SQSTM1: variants seen among roughly 807,000 people sequenced by gnomAD.
SQSTM1 encodes sequestosome-1.
A neutral mutation model predicts 45.1 loss-of-function variants in SQSTM1; 36 were observed. The ratio of observed to expected loss-of-function variants is 0.80; its 90% CI spans 0.61 to 1.05. SQSTM1 has a LOEUF of 1.05. Ranked by LOEUF, SQSTM1 falls within the 50% of genes least tolerant of loss-of-function variation. The pLI is 0.00. For missense variants in SQSTM1, 617 were observed against 607.1 expected, an observed-to-expected ratio of 1.02 and a Z score of -0.17; for synonymous variants, 290 against 244.3, an observed-to-expected ratio of 1.19 and a Z score of -1.74.
At chr5:179,808,362 G>A (rs2113453436) in intron 1 of SQSTM1, 1 of 152,346 alleles carries the variant, frequency 6.6e-6, no homozygotes, top group East Asian at 1.9e-4. Context: ...AGTGCTCCTG[G>A]AACTTTCCGA....
Position 179,806,610 on chromosome 5 carries a change from CG to C in SQSTM1, c.-157+23del. 8.4e-7 allele frequency: 1 copy of C among 1,194,858 alleles called. No homozygotes were observed. Among genetic ancestry groups the C allele is most frequent in the Non-Finnish European group, 1.1e-6 (1 of 932,602 alleles). The allele number at this position is 1,194,858 out of a possible 1,614,324, so 74.0% of individuals were successfully genotyped here. A position where few individuals can be genotyped will look rare whatever the true frequency, so the allele number is the denominator to read the frequency against. ...TCCTCGGGTGCGCGGCGGGCGCCCG[CG>C]GGGCCGAGGCTGCATGGCCCGGGGG... is the stretch of plus-strand genomic sequence containing the variant. On this transcript the variant is annotated intron_variant, in intron 1 of 5. Transcript: ENST00000514093. This position sits in a 1 kb window ranked among gnomAD's most constrained non-coding sequence, Gnocchi z 4.6.
exon 2 of SQSTM1, chr5:179,811,615 T>C (rs902756297): frequency 1.3e-5 from 2 of 152,180 alleles, no homozygotes; most frequent in African/African-American, 2.4e-5. Context: ...CACAAGAACC[T>C]GGCTTTTAGC....
rs900767065 is a variant in SQSTM1, at chr5:179,837,066, T to A, written c.*473T>A. On this transcript the variant is annotated 3_prime_UTR_variant, in exon 8 of 8. Transcript: ENST00000389805. ...GGGGAGGCCAGTGTTGTGGGCTTCC[T>A]GCTGGGACTGAGAAGGCTCACGAAG... 4.1e-6 allele frequency: 3 copies of A among 736,060 alleles called. No individual in the cohort carries two copies. Among genetic ancestry groups the A allele is most frequent in the Admixed American group, 4.5e-5 (2 of 44,902 alleles). 45.6% of individuals were successfully genotyped at this position (736,060 alleles called of 1,614,324 possible).
intron 2 of SQSTM1, chr5:179,811,994 C>G (rs562851747): frequency 6.6e-6 from 1 of 152,224 alleles, no homozygotes; most frequent in Admixed American, 6.5e-5. Context: ...TTAGTAGAGA[C>G]GGGGTTTCAC....
intron 1 of SQSTM1, 195 bp from the exon 2 acceptor site, chr5:179,822,763 G>A (rs572325798): frequency 1.0e-3 from 689 of 663,394 alleles, no homozygotes; most frequent in Middle Eastern, 2.2e-3. Flanking sequence ...GGCCCAGGTC[G>A]GAGCACTCAC....
intron 5 of SQSTM1, among the ~76,000 whole-genome samples, chr5:179,827,568 G>C (rs895370489): frequency 2.0e-5 from 3 of 152,258 alleles, no homozygotes; most frequent in Admixed American, 6.5e-5. Flanking sequence ...ACAGGCGTGA[G>C]CCACTGCACC....
intron 1 of SQSTM1, 159 bp from the exon 2 acceptor site, chr5:179,822,799 G>A (rs1757832010): frequency 2.8e-6 from 2 of 712,364 alleles, no homozygotes; most frequent in African/African-American, 3.5e-5. Flanking sequence ...AGAGCAAGGG[G>A]GTAGTCTTGC....
chr5:179,829,683 GTTTTTTTATCTTTCCTCTCCTC>G (rs762860028), intron 5 of SQSTM1, among the ~76,000 whole-genome samples: 98,604 of 152,112 alleles, frequency 0.65, 33,152 homozygotes, highest in African/African-American at 0.82. Flanking sequence ...AATAGAGATA[GTTTTTTTATCTTTCCTCTCCTC>G]CTAATGTAGG....
chr5:179,822,539 T>C (rs138338737), intron 1 of SQSTM1: 10 of 305,104 alleles, frequency 3.3e-5, no homozygotes, highest in Non-Finnish European at 6.5e-5. Context: ...CCCAAGCCAC[T>C]AGAAGTCTAA....
chr5:179,831,872 C>T (rs1758237095), intron 5 of SQSTM1, among the ~76,000 whole-genome samples: 1 of 151,892 alleles, frequency 6.6e-6, no homozygotes, highest in Admixed American at 6.6e-5. Flanking sequence ...CAACCTCCGC[C>T]TCCCAGGTTC....
intron 5 of SQSTM1, among the ~76,000 whole-genome samples, chr5:179,832,083 T>C (rs1758253519): frequency 6.6e-6 from 1 of 152,208 alleles, no homozygotes; most frequent in Non-Finnish European, 1.5e-5. Context: ...GCGCTCGGCC[T>C]ACTGAATGTT....
chr5:179,834,781 GAA>G (rs763831279), intron 7 of SQSTM1, among the ~76,000 whole-genome samples: 6 of 152,198 alleles, frequency 3.9e-5, no homozygotes, highest in Non-Finnish European at 7.3e-5. Context: ...AGAACAAAAT[GAA>G]AAGTCTCCCA....
intron 4 of SQSTM1, among the ~76,000 whole-genome samples, chr5:179,824,558 C>T (rs926141978): frequency 6.6e-6 from 1 of 152,164 alleles, no homozygotes; most frequent in Non-Finnish European, 1.5e-5. Flanking sequence ...CACAGCCCTT[C>T]CTACCTCAGG....
At chr5:179,822,593 G>A (rs969197457) in intron 1 of SQSTM1, 1 of 351,376 alleles carries the variant, frequency 2.8e-6, no homozygotes, top group Non-Finnish European at 5.6e-6. Context: ...TCACAGGCAG[G>A]GATCTCCCAC....
intron 7 of SQSTM1, among the ~76,000 whole-genome samples, chr5:179,834,088 A>G (rs554351892): frequency 7.1e-6 from 1 of 140,324 alleles, no homozygotes; most frequent in East Asian, 2.3e-4. Context: ...TGACACAGAG[A>G]GGGGGCAGCA....
At chr5:179,814,197 C>G (rs1424732435), upstream of SQSTM1, among the ~76,000 whole-genome samples, 1 of 152,136 alleles carries the variant, frequency 6.6e-6, no homozygotes, top group African/African-American at 2.4e-5. Flanking sequence ...AATTTGCAGG[C>G]CCCAGATGCT....
At chr5:179,824,451 C>T in intron 4 of SQSTM1, 128 bp downstream of exon 4, 2 of 1,369,234 alleles carry the variant, frequency 1.5e-6, no homozygotes, top group Non-Finnish European at 2.1e-6. Context: ...TGGTGCCCTA[C>T]AATCACACAA....
upstream of SQSTM1, among the ~76,000 whole-genome samples, chr5:179,819,195 C>T (rs1757675627): frequency 6.6e-6 from 1 of 152,198 alleles, no homozygotes; most frequent in Non-Finnish European, 1.5e-5. Context: ...TGTTTACCTC[C>T]GGGAGGCCTC....
intron 1 of SQSTM1, chr5:179,808,005 G>C (rs1757255029): frequency 6.6e-6 from 1 of 152,278 alleles, no homozygotes; most frequent in African/African-American, 2.4e-5. Context: ...CAGGAAGGGC[G>C]CAAATTATAA....
Sources: allele counts gnomAD v4.1 joint callset (sites outside exome capture counted in the v4.1 genomes callset), GRCh38; gene constraint gnomAD v4.1.1; non-coding constraint Gnocchi (gnomAD v3.1); transcripts MANE v1.5; gene names NCBI Gene and HGNC (gene_info 2026-07-23, HGNC 2026-07-21).